The following NBEAL1 variants were observed in gnomAD, a reference collection of about 807,000 sequenced individuals.
The protein encoded by NBEAL1 is neurobeachin-like protein 1.
A neutral mutation model predicts 351.3 loss-of-function variants in NBEAL1; 273 were observed. That is an observed-to-expected ratio of 0.78 (90% confidence interval 0.70 to 0.86). The LOEUF is 0.86. NBEAL1 is among the 40% of genes least tolerant of loss of function. The pLI, the probability that NBEAL1 is intolerant of heterozygous loss-of-function variation, is 0.00. For missense variants in NBEAL1, 2,961 were observed against 3,201.3 expected (o/e 0.92, Z 1.81); for synonymous variants, 1,050 against 1,086.4 (o/e 0.97, Z 0.66).
At position 203,135,757 on chromosome 2, in the gene NBEAL1, G is replaced by A. The variant is rs552149079; in HGVS notation, c.3894G>A (p.Arg1298=). Residue 1298 remains arginine, a synonymous_variant, in exon 28 of 56, where the codon AGG becomes AGA. Coordinates refer to ENST00000683969, the MANE Select transcript of NBEAL1 (RefSeq NM_001378026.1). ...QQVGWQDTLV[R]LFLKAKFENG... ...TGGGTTGGCAAGACACCTTAGTTAG[G>A]CTTTTTTTAAAAGCAAAATTTGAAA... 6.3e-7 allele frequency: 1 copy of A among 1,595,508 alleles called. No individual in the cohort carries two copies. The highest frequency in any genetic ancestry group is 1.8e-5 in the Admixed American group (1 of 56,348).
rs1245124579 is a variant in NBEAL1 at position 203,141,341 on chromosome 2, G to GATTATTATTATTATTATT, written c.4848+2603_4848+2620dup. ...AAGCACAGCACCTACAGATAAGACA[G>GATTATTATTATTATTATT]ATTATTATTATTATTATTATTATTA... is the stretch of plus-strand genomic sequence containing the variant. On this transcript the variant is annotated intron_variant, in intron 31 of 55. Transcript: ENST00000683969. Among the ~76,000 whole-genome samples the GATTATTATTATTATTATT allele has an allele frequency of 7.0e-4, 27 of 38,672 alleles. 1 individual carries two copies. Among genetic ancestry groups the GATTATTATTATTATTATT allele is most frequent in the South Asian group, 2.4e-3 (2 of 836 alleles). 25.4% of individuals were successfully genotyped at this position (38,672 alleles called of 152,430 possible).
intron 6 of NBEAL1, among the ~76,000 whole-genome samples, chr2:203,066,543 G>A (rs1474795743): frequency 3.3e-5 from 5 of 151,486 alleles, no homozygotes; most frequent in Admixed American, 6.6e-5. Context: ...TTTTCTTTTC[G>A]ACAAAACCGC....
intron 11 of NBEAL1, among the ~76,000 whole-genome samples, 170 bp downstream of exon 11, chr2:203,097,803 A>G (rs545926446): frequency 1.3e-5 from 2 of 152,322 alleles, no homozygotes; most frequent in South Asian, 2.1e-4. Flanking sequence ...GCTTTCATCT[A>G]AAGGATAAAT....
In NBEAL1 at chr2:203,062,756, C is replaced by T. The variant is rs993389599; in HGVS notation, c.515+5303C>T. Reference sequence around the variant, plus strand: ...AATCTTGCCAGTAATGTAAGAACTGCTTCAAAGACAAATGGTAAAGCAGGG... The same window carrying T: ...AATCTTGCCAGTAATGTAAGAACTGTTTCAAAGACAAATGGTAAAGCAGGG... On this transcript the variant is annotated intron_variant, in intron 6 of 55. Transcript: ENST00000683969. The surrounding 1 kb of genome is among the most constrained non-coding windows in gnomAD (Gnocchi z 4.2). Among the ~76,000 whole-genome samples, 6 of 152,090 alleles carry T rather than the reference C, an allele frequency of 3.9e-5. No homozygotes were observed. The highest frequency in any genetic ancestry group is 6.6e-5 in the Admixed American group (1 of 15,258).
chr2:203,123,505 G>T (rs1428398875), intron 19 of NBEAL1, among the ~76,000 whole-genome samples: 1 of 151,282 alleles, frequency 6.6e-6, no homozygotes, highest in Non-Finnish European at 1.5e-5. Flanking sequence ...GCTGATTTTT[G>T]TATTTTTTAG....
At chr2:203,125,637 G>A (rs2062920014) in intron 20 of NBEAL1, 117 bp downstream of exon 20, 1 of 975,654 alleles carries the variant, frequency 1.0e-6, no homozygotes, top group Non-Finnish European at 1.4e-6. Context: ...AGCTGTAGCA[G>A]TTGTTTCTAC....
chr2:203,187,974 T>A (rs1381149842), intron 44 of NBEAL1, among the ~76,000 whole-genome samples: 3 of 152,212 alleles, frequency 2.0e-5, no homozygotes, highest in East Asian at 3.8e-4. Context: ...ACTAGTAATT[T>A]ACAGGAGGTC....
intron 8 of NBEAL1, among the ~76,000 whole-genome samples, chr2:203,080,279 G>A (rs939205577): frequency 4.6e-5 from 7 of 152,092 alleles, no homozygotes; most frequent in Admixed American, 2.6e-4. Context: ...GGGCATGGTG[G>A]TGGGCGCCTG....
intron 3 of NBEAL1, among the ~76,000 whole-genome samples, chr2:203,047,713 T>A (rs1194975790): frequency 6.6e-6 from 1 of 151,256 alleles, no homozygotes; most frequent in Non-Finnish European, 1.5e-5. Context: ...GTGAGAGAAG[T>A]TGCAGTCACA....
At chr2:203,128,839 G>T (rs921998900) in intron 24 of NBEAL1, among the ~76,000 whole-genome samples, 2 of 151,404 alleles carry the variant, frequency 1.3e-5, no homozygotes, top group Admixed American at 6.6e-5. Flanking sequence ...CTCGTGATCC[G>T]CCCGCCTCGG....
At chr2:203,092,439 C>T (rs957074417) in intron 10 of NBEAL1, among the ~76,000 whole-genome samples, 1 of 151,866 alleles carries the variant, frequency 6.6e-6, no homozygotes, top group Admixed American at 6.6e-5. Flanking sequence ...GTGGTGCGCA[C>T]CTGTAGTCTC....
intron 48 of NBEAL1, among the ~76,000 whole-genome samples, chr2:203,198,202 C>G (rs1461985374): frequency 4.6e-5 from 7 of 151,342 alleles, no homozygotes; most frequent in African/African-American, 1.7e-4. Context: ...TTGTAGAGAT[C>G]AGGTTTTGCC....
intron 18 of NBEAL1, among the ~76,000 whole-genome samples, 189 bp downstream of exon 18, chr2:203,116,259 C>A (rs2062695393): frequency 6.6e-6 from 1 of 152,046 alleles, no homozygotes; most frequent in Non-Finnish European, 1.5e-5. Flanking sequence ...CCACGAGGGT[C>A]CAAATATTAT....
intron 51 of NBEAL1, among the ~76,000 whole-genome samples, chr2:203,207,178 C>T (rs1212406698): frequency 5.3e-5 from 8 of 151,244 alleles, no homozygotes; most frequent in Non-Finnish European, 1.0e-4. Flanking sequence ...AGCCCCTCCG[C>T]CCGGCAGCCG....
In NBEAL1 at chr2:203,135,759, T is replaced by A. The variant is rs766352509; in HGVS notation, c.3896T>A (p.Leu1299His). Residue 1299 changes from leucine to histidine, a missense_variant, in exon 28 of 56, where the codon CTT becomes CAT. Leu to His is a moderately conservative substitution (Grantham distance 99). Coordinates refer to ENST00000683969, the MANE Select transcript of NBEAL1 (RefSeq NM_001378026.1). ...GGTTGGCAAGACACCTTAGTTAGGC[T>A]TTTTTTAAAAGCAAAATTTGAAAAC... ...QVGWQDTLVR[L>H]FLKAKFENGN... 1 of 1,597,166 alleles carries A rather than the reference T, an allele frequency of 6.3e-7. No individual in the cohort carries two copies. Among genetic ancestry groups the A allele is most frequent in the African/African-American group, 1.3e-5 (1 of 74,794 alleles).
chr2:203,129,385 T>A (rs974974035), intron 24 of NBEAL1, among the ~76,000 whole-genome samples: 1 of 152,196 alleles, frequency 6.6e-6, no homozygotes, highest in Non-Finnish European at 1.5e-5. Context: ...ATATAATATT[T>A]ATTATTTACT....
chr2:203,190,776 C>T (rs1251407638), intron 46 of NBEAL1: 1 of 1,610,394 alleles, frequency 6.2e-7, no homozygotes, highest in Admixed American at 1.7e-5. Context: ...CAGCCGCCTC[C>T]ACCATGCCGC....
At chr2:203,136,339 A>AAC (rs527901369) in intron 28 of NBEAL1, 87 bp downstream of exon 28, 16 of 1,005,884 alleles carry the variant, frequency 1.6e-5, no homozygotes, top group Non-Finnish European at 2.3e-5. Flanking sequence ...AGCAGTTGTT[A>AAC]ACAATTTCAT....
At chr2:203,180,096 A>G (rs2064657661) in intron 42 of NBEAL1, among the ~76,000 whole-genome samples, 1 of 152,172 alleles carries the variant, frequency 6.6e-6, no homozygotes, top group Non-Finnish European at 1.5e-5. Context: ...TTAAGATTAT[A>G]TTTAATTTAT....
Sources: allele counts gnomAD v4.1 joint callset (sites outside exome capture counted in the v4.1 genomes callset), GRCh38; gene constraint gnomAD v4.1.1; non-coding constraint Gnocchi (gnomAD v3.1); transcripts MANE v1.5; gene names NCBI Gene and HGNC (gene_info 2026-07-23, HGNC 2026-07-21).